The following PIK3CB variants were observed in gnomAD, a reference collection of about 807,000 sequenced individuals.
PIK3CB encodes the protein phosphatidylinositol-4,5-bisphosphate 3-kinase catalytic subunit beta.
Under a neutral mutation model 136.8 loss-of-function variants are expected in PIK3CB, and 39 were observed. The ratio of observed to expected loss-of-function variants is 0.29; its 90% CI spans 0.22 to 0.37. The LOEUF is 0.37. PIK3CB is among the 10% of genes least tolerant of loss of function. The pLI, the probability that PIK3CB is intolerant of heterozygous loss-of-function variation, is 1.00. For missense variants in PIK3CB, 868 were observed against 1,275.4 expected (o/e 0.68, Z 4.87); for synonymous variants, 428 against 436.6 (o/e 0.98, Z 0.25).
chr3:138,705,002 G>T (rs1004348458), intron 11 of PIK3CB, among the ~76,000 whole-genome samples: 1 of 150,460 alleles, frequency 6.6e-6, no homozygotes, highest in Non-Finnish European at 1.5e-5. Context: ...GCCCAAGCTC[G>T]CCTTGAACTC....
chr3:138,752,665 C>T (rs1017360172), intron 4 of PIK3CB, among the ~76,000 whole-genome samples: 4 of 151,132 alleles, frequency 2.6e-5, no homozygotes, highest in Admixed American at 6.6e-5. Context: ...GCCAAAAAGG[C>T]GCCACTATGC....
intron 4 of PIK3CB, among the ~76,000 whole-genome samples, chr3:138,747,941 A>T (rs1213818786): frequency 1.3e-5 from 2 of 152,190 alleles, no homozygotes; most frequent in Non-Finnish European, 2.9e-5. Flanking sequence ...TTATTCCAGT[A>T]AATAATTTTA....
chr3:138,755,658 C>G (rs957560427), intron 4 of PIK3CB, 96 bp downstream of exon 4: 3 of 612,514 alleles, frequency 4.9e-6, no homozygotes, highest in Non-Finnish European at 8.4e-6. Context: ...GTCCATGGAC[C>G]ACACTTTGAA....
intron 19 of PIK3CB, among the ~76,000 whole-genome samples, chr3:138,676,473 C>T (rs1242915040): frequency 6.6e-6 from 1 of 152,066 alleles, no homozygotes; most frequent in East Asian, 1.9e-4. Flanking sequence ...TAGGTATTTA[C>T]CAAAAGAATT....
At chr3:138,683,387 T>C (rs2043819880) in intron 18 of PIK3CB, among the ~76,000 whole-genome samples, 1 of 151,862 alleles carries the variant, frequency 6.6e-6, no homozygotes, top group Non-Finnish European at 1.5e-5. Context: ...TAATATCTTG[T>C]ATTTCATAAG....
chr3:138,783,276 A>AT lies in PIK3CB; in HGVS notation c.-17+13186dup, dbSNP rs145174208. On this transcript the variant is annotated intron_variant, in intron 2 of 23. Transcript: ENST00000674063. ...TAATTTGAGGCAGATAAAGAGGGTG[A>AT]TTTTTTTTTTTTTAATTTTTTTTGG... Among the ~76,000 whole-genome samples, 199 of 146,902 alleles carry AT rather than the reference A, an allele frequency of 1.4e-3. 2 individuals carry two copies. Among genetic ancestry groups the AT allele is most frequent in the East Asian group, 2.2e-3 (11 of 5,014 alleles).
intron 2 of PIK3CB, among the ~76,000 whole-genome samples, chr3:138,791,244 G>A (rs1214843823): frequency 6.6e-6 from 1 of 151,580 alleles, no homozygotes; most frequent in East Asian, 2.0e-4. Flanking sequence ...TCAGGCTCAA[G>A]CAATCCTCTA....
intron 2 of PIK3CB, among the ~76,000 whole-genome samples, chr3:138,773,815 C>G: frequency 6.6e-6 from 1 of 152,184 alleles, no homozygotes; most frequent in East Asian, 1.9e-4. Flanking sequence ...TTCATCCCCA[C>G]AGTCTTCTCT....
At chr3:138,690,212 G>A (rs564936276) in intron 15 of PIK3CB, among the ~76,000 whole-genome samples, 2 of 151,592 alleles carry the variant, frequency 1.3e-5, no homozygotes, top group East Asian at 1.9e-4. Context: ...TATTGCCTTT[G>A]AGAAGCTCAG....
intron 13 of PIK3CB, 74 bp downstream of exon 13, chr3:138,698,833 G>T: frequency 2.3e-6 from 2 of 869,410 alleles, no homozygotes; most frequent in Admixed American, 2.4e-5. Context: ...ATACCTATGA[G>T]AAAAGGATAC....
chr3:138,780,382 T>C (rs1388035645), intron 2 of PIK3CB, among the ~76,000 whole-genome samples: 2 of 152,186 alleles, frequency 1.3e-5, no homozygotes, highest in Non-Finnish European at 2.9e-5. Context: ...GTGATTCTCC[T>C]GCCTCAGCCT....
intron 13 of PIK3CB, among the ~76,000 whole-genome samples, chr3:138,698,180 A>C (rs2044177159): frequency 6.6e-6 from 1 of 152,220 alleles, no homozygotes; most frequent in Non-Finnish European, 1.5e-5. Context: ...GTCACTATAG[A>C]TTTACTAAGA....
intron 2 of PIK3CB, among the ~76,000 whole-genome samples, chr3:138,793,455 A>T (rs554335698): frequency 1.4e-4 from 21 of 152,140 alleles, no homozygotes; most frequent in African/African-American, 4.6e-4. Context: ...AAAATACAAA[A>T]ATCAGTCGAG....
At chr3:138,672,943 A>AG (rs1559804249) in intron 19 of PIK3CB, among the ~76,000 whole-genome samples, 2 of 150,470 alleles carry the variant, frequency 1.3e-5, no homozygotes, top group African/African-American at 4.9e-5. Context: ...GAGAGAGAGA[A>AG]AGAGATGAAA....
intron 10 of PIK3CB, among the ~76,000 whole-genome samples, chr3:138,709,174 TTATC>T (rs1269450338): frequency 6.6e-6 from 1 of 152,210 alleles, no homozygotes; most frequent in African/African-American, 2.4e-5. Flanking sequence ...AATTATAAAT[TTATC>T]TATTCTTTGA....
chr3:138,688,071 G>T (rs1189794096), intron 16 of PIK3CB, among the ~76,000 whole-genome samples: 1 of 152,052 alleles, frequency 6.6e-6, no homozygotes, highest in Non-Finnish European at 1.5e-5. Context: ...AAAAGTAAGG[G>T]ATCAGAAAAA....
At chr3:138,772,992 T>C (rs1242243496) in intron 2 of PIK3CB, among the ~76,000 whole-genome samples, 2 of 151,938 alleles carry the variant, frequency 1.3e-5, no homozygotes, top group African/African-American at 4.8e-5. Context: ...TTTGCCATGT[T>C]GGTAAGGCTG....
intron 8 of PIK3CB, among the ~76,000 whole-genome samples, chr3:138,728,504 G>T (rs1030303026): frequency 6.6e-6 from 1 of 152,136 alleles, no homozygotes; most frequent in African/African-American, 2.4e-5. Flanking sequence ...GATGCCAGGC[G>T]CAGTGGCTCA....
At chr3:138,699,807 G>A (rs1559824327) in intron 12 of PIK3CB, among the ~76,000 whole-genome samples, 1 of 152,034 alleles carries the variant, frequency 6.6e-6, no homozygotes, top group Non-Finnish European at 1.5e-5. Context: ...ATACTGTCTA[G>A]CTCTGTTTCA....
Sources: allele counts gnomAD v4.1 joint callset (sites outside exome capture counted in the v4.1 genomes callset), GRCh38; gene constraint gnomAD v4.1.1; transcripts MANE v1.5; gene names NCBI Gene and HGNC (gene_info 2026-07-23, HGNC 2026-07-21).